Variants in DOP1B observed in about 807,000 individuals in gnomAD.
DOP1B encodes DOP1 leucine zipper like protein B, also known as protein DOP1B.
DOP1B carries 174 observed loss-of-function variants against 233.5 expected under a neutral mutation model. The observed-to-expected ratio is 0.75, with a 90% CI of 0.66 to 0.85. DOP1B has a LOEUF of 0.85. DOP1B is among the 40% of genes least tolerant of loss of function. The probability of loss-of-function intolerance (pLI) is 0.00; values close to 1 mark genes in which losing one functional copy is unlikely to be tolerated. For synonymous variants in DOP1B, 1,190 were observed against 1,185.6 expected, an observed-to-expected ratio of 1.00 and a Z score of -0.08; for missense variants, 2,652 against 2,846.6, an observed-to-expected ratio of 0.93 and a Z score of 1.56.
At chr21:36,258,510 C>T (rs912026010) in intron 23 of DOP1B, among the ~76,000 whole-genome samples, 12 of 152,126 alleles carry the variant, frequency 7.9e-5, no homozygotes, top group African/African-American at 2.4e-4. Flanking sequence ...CCAATCATCA[C>T]ACTAATGAAC....
intron 3 of DOP1B, 134 bp downstream of exon 3, chr21:36,199,385 C>A: frequency 8.8e-7 from 1 of 1,141,528 alleles, no homozygotes; most frequent in Non-Finnish European, 1.2e-6. Context: ...AAAGCCATCA[C>A]CAGGAGACGT....
In DOP1B at chr21:36,232,981, ACAACCCTTTTTTTGG is replaced by A; in HGVS notation, c.2532_2546del (p.Asn844_Gly848del). ...ATGAAACGCTATAAGAGCTCTGGACACAACCCTTTTTTTGGCAAGCTGCAGATGGTGACGGTTCCT... is the reference window on the plus strand; with the variant it reads ...ATGAAACGCTATAAGAGCTCTGGACACAAGCTGCAGATGGTGACGGTTCCT... On this transcript the variant is annotated inframe_deletion, in exon 15 of 37. Transcript: ENST00000691173. 6.2e-7 allele frequency: 1 copy of A among 1,614,112 alleles called. No individual in the cohort carries two copies. The highest frequency in any genetic ancestry group is 8.5e-7 in the Non-Finnish European group (1 of 1,180,020).
At chr21:36,158,617 A>G (rs1409764005) in intron 1 of DOP1B, among the ~76,000 whole-genome samples, 1 of 152,106 alleles carries the variant, frequency 6.6e-6, no homozygotes, top group Non-Finnish European at 1.5e-5. Flanking sequence ...ATCCTGGCCA[A>G]CATGATGAAA....
chr21:36,219,931 G>A (rs2066605886), intron 10 of DOP1B, among the ~76,000 whole-genome samples: 1 of 151,758 alleles, frequency 6.6e-6, no homozygotes, highest in Non-Finnish European at 1.5e-5. Context: ...CAGGAGTCCA[G>A]GGGGTGTTGG....
At chr21:36,271,499 T>C (rs999481328) in intron 27 of DOP1B, among the ~76,000 whole-genome samples, 3 of 152,028 alleles carry the variant, frequency 2.0e-5, no homozygotes, top group Non-Finnish European at 2.9e-5. Flanking sequence ...CTCAAACTCT[T>C]GACCTCAGGT....
In DOP1B at chr21:36,269,453, C is replaced by T. The variant is rs150435285; in HGVS notation, c.5488-560C>T. Among the ~76,000 whole-genome samples the T allele has an allele frequency of 3.7e-3, 557 of 152,114 alleles. 2 individuals carry two copies. Among genetic ancestry groups the T allele is most frequent in the African/African-American group, 0.012 (507 of 41,516 alleles). ...TATAGGCATGAGCCACCACACCTAGCGTATTAATAATTTTTATATTGAGTG... is the reference window on the plus strand; with the variant it reads ...TATAGGCATGAGCCACCACACCTAGTGTATTAATAATTTTTATATTGAGTG... On this transcript the variant is annotated intron_variant, in intron 26 of 36. Coordinates refer to ENST00000691173, the MANE Select transcript of DOP1B (RefSeq NM_001320714.2).
intron 27 of DOP1B, among the ~76,000 whole-genome samples, chr21:36,273,284 G>C (rs1166938067): frequency 6.6e-6 from 1 of 151,190 alleles, no homozygotes; most frequent in Non-Finnish European, 1.5e-5. Context: ...GTGTGTGCCT[G>C]TAATCCCAGC....
chr21:36,176,097 C>CGTGTGCGTGTGTGTGTGTGTGTGTGT (rs375729449), intron 2 of DOP1B, among the ~76,000 whole-genome samples: 73 of 141,840 alleles, frequency 5.1e-4, no homozygotes, highest in African/African-American at 1.7e-3. Context: ...GGTGTGTGTG[C>CGTGTGCGTGTGTGTGTGTGTGTGTGT]GTGTGTGTGT....
chr21:36,287,748 G>A (rs1440771087), intron 32 of DOP1B, among the ~76,000 whole-genome samples: 1 of 151,658 alleles, frequency 6.6e-6, no homozygotes, highest in Non-Finnish European at 1.5e-5. Context: ...CACCACGCCC[G>A]ACTAATTTTT....
At chr21:36,170,240 T>A in intron 2 of DOP1B, 2 of 367,292 alleles carry the variant, frequency 5.4e-6, no homozygotes, top group East Asian at 1.4e-4. Flanking sequence ...ATTTCCCTAA[T>A]GACTAATAAT....
chr21:36,243,362 TTTC>T (rs1309596535), intron 18 of DOP1B, among the ~76,000 whole-genome samples: 1 of 151,092 alleles, frequency 6.6e-6, no homozygotes, highest in Admixed American at 6.6e-5. Context: ...TTTTTTTCCT[TTTC>T]TTCTTTTTTT....
At chr21:36,269,355 A>T (rs2123655900) in intron 26 of DOP1B, among the ~76,000 whole-genome samples, 1 of 151,714 alleles carries the variant, frequency 6.6e-6, no homozygotes, top group East Asian at 2.0e-4. Context: ...GGGTTTCACC[A>T]TGTTGGTCAG....
At chr21:36,255,332 G>A (rs545415135) in intron 23 of DOP1B, among the ~76,000 whole-genome samples, 16 of 151,886 alleles carry the variant, frequency 1.1e-4, no homozygotes, top group Admixed American at 3.3e-4. Flanking sequence ...TAGTAGAGAC[G>A]GGATTTTGCT....
intron 1 of DOP1B, among the ~76,000 whole-genome samples, chr21:36,160,794 G>A (rs1227367690): frequency 6.6e-6 from 1 of 152,012 alleles, no homozygotes; most frequent in Non-Finnish European, 1.5e-5. Flanking sequence ...TAAGCTTTAT[G>A]GAAACAATTT....
At chr21:36,193,288 G>A (rs1485645280) in intron 2 of DOP1B, among the ~76,000 whole-genome samples, 1 of 152,198 alleles carries the variant, frequency 6.6e-6, no homozygotes, top group African/African-American at 2.4e-5. Flanking sequence ...TCCAATCTGT[G>A]TCTCTGTGCT....
intron 21 of DOP1B, among the ~76,000 whole-genome samples, chr21:36,249,694 G>C (rs951488043): frequency 1.3e-5 from 2 of 152,142 alleles, no homozygotes; most frequent in Non-Finnish European, 2.9e-5. Context: ...GGCTGTAGGC[G>C]CAGGACTCGG....
intron 27 of DOP1B, among the ~76,000 whole-genome samples, chr21:36,275,706 A>T (rs1356907820): frequency 6.6e-6 from 1 of 152,094 alleles, no homozygotes; most frequent in Non-Finnish European, 1.5e-5. Context: ...CCCTTGAGAG[A>T]TTCATGGTCA....
At chr21:36,183,165 G>A (rs1022591090) in intron 2 of DOP1B, among the ~76,000 whole-genome samples, 12 of 152,220 alleles carry the variant, frequency 7.9e-5, no homozygotes, top group Admixed American at 2.6e-4. Flanking sequence ...TCACAGGTGC[G>A]CGCCACTGTG....
chr21:36,248,577 A>C lies in DOP1B; in HGVS notation c.4998+9A>C, dbSNP rs2066996413. On this transcript the variant is annotated intron_variant, in intron 21 of 36. Coordinates refer to ENST00000691173, the MANE Select transcript of DOP1B (RefSeq NM_001320714.2). ...ACTTTAAAACCACCAAAGTAAGAGGATGTCTCTGTAGTTCTGTCATTTACT... is the reference window on the plus strand; with the variant it reads ...ACTTTAAAACCACCAAAGTAAGAGGCTGTCTCTGTAGTTCTGTCATTTACT... 6.2e-7 allele frequency: 1 copy of C among 1,600,508 alleles called. No homozygotes were observed. The highest frequency in any genetic ancestry group is 8.5e-7 in the Non-Finnish European group (1 of 1,173,796).
Sources: allele counts gnomAD v4.1 joint callset (sites outside exome capture counted in the v4.1 genomes callset), GRCh38; gene constraint gnomAD v4.1.1; transcripts MANE v1.5; gene names NCBI Gene and HGNC (gene_info 2026-07-23, HGNC 2026-07-21).